Variants in USP8 observed in about 807,000 individuals in gnomAD.
USP8 encodes the protein ubiquitin carboxyl-terminal hydrolase 8.
Under a neutral mutation model 130.0 loss-of-function variants are expected in USP8, and 27 were observed. That is an observed-to-expected ratio of 0.21 (90% CI 0.15 to 0.29). The LOEUF is 0.29. USP8 is among the 10% of genes least tolerant of loss of function. The pLI, the probability that USP8 is intolerant of heterozygous loss-of-function variation, is 1.00. For synonymous variants in USP8, 392 were observed against 444.1 expected (o/e 0.88, Z 1.48); for missense variants, 1,029 against 1,312.2 (o/e 0.78, Z 3.33).
Position 50,458,149 on chromosome 15 carries a change from G to A in USP8, c.336-851G>A, listed in dbSNP as rs565248200. ...GCAATAATAGCAAACATTGCCATTC[G>A]TTCATTTATTTATTTATTTAGAGAT... On this transcript the variant is annotated intron_variant, in intron 4 of 19. Coordinates refer to ENST00000307179, the MANE Select transcript of USP8 (RefSeq NM_005154.5). Among the ~76,000 whole-genome samples, 13 of 152,056 alleles carry A rather than the reference G, an allele frequency of 8.5e-5. No individual in the cohort carries two copies. The South Asian group carries it at 1.5e-3, about 17-fold the overall frequency.
At chr15:50,443,137 C>A (rs1380234114) in intron 3 of USP8, among the ~76,000 whole-genome samples, 1 of 152,128 alleles carries the variant, frequency 6.6e-6, no homozygotes, top group Non-Finnish European at 1.5e-5. Context: ...CTTTCGGGTT[C>A]AAGCGATTCT....
At chr15:50,477,993 G>A (rs908159958) in intron 10 of USP8, among the ~76,000 whole-genome samples, 3 of 152,094 alleles carry the variant, frequency 2.0e-5, no homozygotes, top group African/African-American at 4.8e-5. Context: ...TTACCGCCAC[G>A]CCTATATTAG....
intron 1 of USP8, among the ~76,000 whole-genome samples, chr15:50,433,630 G>C (rs2049997611): frequency 6.6e-6 from 1 of 151,738 alleles, no homozygotes; most frequent in African/African-American, 2.4e-5. Flanking sequence ...TTTTTTTTGA[G>C]ATGGAGTCTC....
At chr15:50,467,732 T>G (rs1463315732) in intron 7 of USP8, among the ~76,000 whole-genome samples, 1 of 151,672 alleles carries the variant, frequency 6.6e-6, no homozygotes, top group Non-Finnish European at 1.5e-5. Flanking sequence ...ATTTTTGTAT[T>G]TTTTTGTAGA....
intron 4 of USP8, among the ~76,000 whole-genome samples, chr15:50,449,895 T>C (rs1412753076): frequency 4.5e-5 from 6 of 133,674 alleles, no homozygotes; most frequent in Non-Finnish European, 7.9e-5. Context: ...TATTTCTTTT[T>C]TTTTTTTTTT....
intron 4 of USP8, among the ~76,000 whole-genome samples, chr15:50,451,620 T>G (rs1442507339): frequency 6.6e-6 from 1 of 152,210 alleles, no homozygotes; most frequent in African/African-American, 2.4e-5. Flanking sequence ...TGCAGCTAGA[T>G]GTGGAGAACC....
At chr15:50,452,601 C>T (rs1021249173) in intron 4 of USP8, among the ~76,000 whole-genome samples, 1 of 152,188 alleles carries the variant, frequency 6.6e-6, no homozygotes, top group Non-Finnish European at 1.5e-5. Flanking sequence ...GCATAGAGCA[C>T]TACTAGAGAA....
chr15:50,491,186 C>G (rs77448434), intron 14 of USP8, among the ~76,000 whole-genome samples: 4,607 of 152,146 alleles, frequency 0.03, 225 homozygotes, highest in African/African-American at 0.11. Context: ...TCTTTACTTA[C>G]TTTTTTGGGA....
chr15:50,496,277 C>G (rs1029486538), intron 17 of USP8, among the ~76,000 whole-genome samples, 193 bp downstream of exon 17: 6 of 151,942 alleles, frequency 3.9e-5, no homozygotes, highest in African/African-American at 1.5e-4. Context: ...GTCAGGAGAT[C>G]GAGACCATCC....
chr15:50,435,588 G>T (rs989735665), intron 1 of USP8, among the ~76,000 whole-genome samples: 22 of 152,100 alleles, frequency 1.4e-4, no homozygotes, highest in African/African-American at 5.3e-4. Context: ...TTTACCTTCT[G>T]TTTGACTTCT....
In USP8 at chr15:50,465,028, T is replaced by C. The variant is rs574797475; in HGVS notation, c.542-19T>C. 31 of 1,612,322 alleles carry C rather than the reference T, an allele frequency of 1.9e-5. No homozygotes were observed. Among genetic ancestry groups the C allele is most frequent in the East Asian group, 1.8e-4 (8 of 44,834 alleles). ...TTGTGCTGTTTCTTGTCACTTACACTGTCTCTCTCAATTCCAAGGAGCAAT... is the reference window on the plus strand; with the variant it reads ...TTGTGCTGTTTCTTGTCACTTACACCGTCTCTCTCAATTCCAAGGAGCAAT... On this transcript the variant is annotated intron_variant, in intron 6 of 19. Coordinates refer to ENST00000307179, the MANE Select transcript of USP8 (RefSeq NM_005154.5).
rs1295636401 is a variant in USP8, at chr15:50,505,325, G to A, written c.*6237G>A. 1 of 152,232 alleles carries A rather than the reference G, an allele frequency of 6.6e-6. No individual in the cohort carries two copies. The highest frequency in any genetic ancestry group is 1.9e-4 in the East Asian group (1 of 5,182). 9.4% of individuals were successfully genotyped at this position (152,232 alleles called of 1,614,324 possible). On this transcript the variant is annotated 3_prime_UTR_variant, in exon 20 of 20. Coordinates refer to ENST00000307179, the MANE Select transcript of USP8 (RefSeq NM_005154.5). ...TTTACCCACAAGAATCTAACCTGCT[G>A]GTAGAAGTTCTCCATAGCAGCCATA...
At chr15:50,472,793 C>G (rs1043312462) in intron 8 of USP8, among the ~76,000 whole-genome samples, 5 of 151,794 alleles carry the variant, frequency 3.3e-5, no homozygotes, top group African/African-American at 1.2e-4. Flanking sequence ...ACCTGTAATC[C>G]CAGCTACTCA....
At chr15:50,478,115 G>A (rs1383157369) in intron 10 of USP8, among the ~76,000 whole-genome samples, 9 of 152,058 alleles carry the variant, frequency 5.9e-5, no homozygotes, top group African/African-American at 2.2e-4. Context: ...GGGATTTTTT[G>A]TATTATAATT....
Position 50,500,748 on chromosome 15 carries a change from T to G in USP8, c.*1660T>G. Reference sequence around the variant, plus strand: ...CAGAAGTATCTGGAATCTCACTGACTCGTGTGTTATCAAAGCTATATCAGG... The same window carrying G: ...CAGAAGTATCTGGAATCTCACTGACGCGTGTGTTATCAAAGCTATATCAGG... On this transcript the variant is annotated 3_prime_UTR_variant, in exon 20 of 20. Transcript: ENST00000307179. The G allele has an allele frequency of 1.3e-6, 2 of 1,574,146 alleles. No homozygotes were observed. Among genetic ancestry groups the G allele is most frequent in the Admixed American group, 3.7e-5 (2 of 53,754 alleles).
chr15:50,427,870 T>C (rs1202881923), intron 1 of USP8, among the ~76,000 whole-genome samples: 2 of 150,968 alleles, frequency 1.3e-5, no homozygotes, highest in African/African-American at 4.9e-5. Flanking sequence ...TTTTTTTTTT[T>C]AAACTGAGAC....
At chr15:50,490,816 A>C (rs2052131983) in intron 14 of USP8, among the ~76,000 whole-genome samples, 1 of 152,170 alleles carries the variant, frequency 6.6e-6, no homozygotes, top group Non-Finnish European at 1.5e-5. Context: ...CACGTTTTTC[A>C]TAGACCGCCT....
At chr15:50,471,931 C>G in intron 8 of USP8, 136 bp downstream of exon 8, 1 of 962,586 alleles carries the variant, frequency 1.0e-6, no homozygotes, top group South Asian at 1.5e-5. Flanking sequence ...GACTGAGTCT[C>G]ACTCTGTTGC....
chr15:50,452,795 A>G (rs2050666797), intron 4 of USP8, among the ~76,000 whole-genome samples: 1 of 152,228 alleles, frequency 6.6e-6, no homozygotes, highest in East Asian at 1.9e-4. Context: ...TAACATTTAC[A>G]AACACTTAGA....
Sources: gnomAD v4.1 joint callset for allele counts (sites outside exome capture counted in the v4.1 genomes callset) on GRCh38, gnomAD v4.1.1 for gene constraint, MANE v1.5 for transcripts, NCBI Gene and HGNC (gene_info 2026-07-23, HGNC 2026-07-21) for gene names.